Variants in PAPPA observed in about 807,000 individuals in gnomAD.
The protein encoded by PAPPA is pappalysin-1.
In PAPPA, 60 loss-of-function variants were observed where a neutral mutation model predicts 164.0. That is an observed-to-expected ratio of 0.37 (90% CI 0.30 to 0.45). PAPPA has a LOEUF of 0.45. Among genes scored for constraint, PAPPA ranks in the 20% least tolerant of loss-of-function variants. The probability of loss-of-function intolerance (pLI) is 1.00; values close to 1 mark genes in which losing one functional copy is unlikely to be tolerated. For missense variants in PAPPA, 1,782 were observed against 2,087.3 expected (o/e 0.85, Z 2.85); for synonymous variants, 875 against 814.1 (o/e 1.07, Z -1.27).
chr9:116,285,171 C>CTTTTTTTTTTTTTTTTTTTT, intron 9 of PAPPA, among the ~76,000 whole-genome samples: 9 of 89,480 alleles, frequency 1.0e-4, no homozygotes, highest in Admixed American at 1.4e-4. Flanking sequence ...TTCTTTCTTT[C>CTTTTTTTTTTTTTTTTTTTT]TTTTTTTTTT....
chr9:116,311,056 CTTTTTTTTTTT>C (rs56043415), intron 10 of PAPPA, among the ~76,000 whole-genome samples: 1 of 120,448 alleles, frequency 8.3e-6, no homozygotes, highest in Non-Finnish European at 1.8e-5. Context: ...AACATGTGGA[CTTTTTTTTTTT>C]TTTTTTTTTT....
At chr9:116,324,169 C>T (rs951802495) in intron 10 of PAPPA, among the ~76,000 whole-genome samples, 2 of 152,192 alleles carry the variant, frequency 1.3e-5, no homozygotes, top group African/African-American at 2.4e-5. Flanking sequence ...GACATGTGGG[C>T]AGGCTCTCTT....
At chr9:116,233,578 G>T (rs1844623684) in intron 6 of PAPPA, among the ~76,000 whole-genome samples, 1 of 152,180 alleles carries the variant, frequency 6.6e-6, no homozygotes, top group African/African-American at 2.4e-5. Flanking sequence ...TTGCTGTGAT[G>T]CATTATATCT....
Position 116,349,324 on chromosome 9 carries a change from A to T in PAPPA, c.3964+2115A>T, listed in dbSNP as rs200052355. On this transcript the variant is annotated intron_variant, in intron 15 of 21. Coordinates refer to ENST00000328252, the MANE Select transcript of PAPPA (RefSeq NM_002581.5). ...GCTTTGGTTTAGGGACAAACAAGTT[A>T]GGTGATTTGTTCAAGGTCACAGATA... Among the ~76,000 whole-genome samples, 9 of 152,232 alleles carry T rather than the reference A, an allele frequency of 5.9e-5. No homozygotes were observed. The East Asian group carries it at 1.5e-3, about 26-fold the overall frequency.
intron 13 of PAPPA, among the ~76,000 whole-genome samples, chr9:116,343,983 G>A (rs998984085): frequency 3.3e-5 from 5 of 151,894 alleles, no homozygotes; most frequent in African/African-American, 1.2e-4. Flanking sequence ...GGTCAGCCTG[G>A]TCTCAAACTC....
intron 1 of PAPPA, among the ~76,000 whole-genome samples, chr9:116,183,999 G>C (rs546453543): frequency 6.6e-6 from 1 of 152,222 alleles, no homozygotes; most frequent in East Asian, 1.9e-4. Context: ...GGAGCCCCTG[G>C]CAAAATAAAA....
At chr9:116,244,699 C>T (rs1844775694) in intron 7 of PAPPA, among the ~76,000 whole-genome samples, 1 of 152,074 alleles carries the variant, frequency 6.6e-6, no homozygotes, top group Admixed American at 6.6e-5. Context: ...AAAGGGAACC[C>T]TTATACACTT....
At chr9:116,240,727 G>A (rs1844725981) in intron 7 of PAPPA, among the ~76,000 whole-genome samples, 1 of 152,210 alleles carries the variant, frequency 6.6e-6, no homozygotes, top group Non-Finnish European at 1.5e-5. Context: ...AAGGAATGTG[G>A]ATTATAGTTT....
chr9:116,360,709 G>A (rs1002889565), intron 17 of PAPPA, among the ~76,000 whole-genome samples: 1 of 151,762 alleles, frequency 6.6e-6, no homozygotes, highest in Non-Finnish European at 1.5e-5. Flanking sequence ...CCATCTTTTC[G>A]TAAACAAACA....
chr9:116,284,545 CTTTTTTT>C (rs61248033), intron 9 of PAPPA, among the ~76,000 whole-genome samples: 3 of 88,268 alleles, frequency 3.4e-5, no homozygotes, highest in Admixed American at 1.5e-4. Context: ...TAGTCTGGGC[CTTTTTTT>C]TTTTTTTTTT....
rs894029847 is a variant in PAPPA, at chr9:116,154,296, G to A, written c.124G>A (p.Ala42Thr). ...GGCCGGCCGACCCCCGCGCCCCGCC[G>A]CCGGCCCGGCCACCTGCGCCACCCG... ...PRAGRPPRPA[A>T]GPATCATRAA... Residue 42 changes from alanine (A) to threonine (T), a missense_variant, in exon 1 of 22, where the codon GCC (alanine) becomes ACC (threonine). Transcript: ENST00000328252. The surrounding 1 kb of genome is among the most constrained non-coding windows in gnomAD (Gnocchi z 5.2). 3.1e-6 allele frequency: 3 copies of A among 953,110 alleles called. No individual in the cohort carries two copies. In the African/African-American group the frequency reaches 5.4e-5, roughly 17 times the overall value. 59.0% of individuals were successfully genotyped at this position (953,110 alleles called of 1,614,324 possible).
chr9:116,236,915 T>G (rs1393474240), intron 7 of PAPPA, among the ~76,000 whole-genome samples: 2 of 152,228 alleles, frequency 1.3e-5, no homozygotes, highest in African/African-American at 4.8e-5. Flanking sequence ...TGCACTCAAC[T>G]GGTGCTCAAT....
intron 18 of PAPPA, among the ~76,000 whole-genome samples, chr9:116,363,018 G>A (rs1846449877): frequency 6.6e-6 from 1 of 152,188 alleles, no homozygotes; most frequent in African/African-American, 2.4e-5. Context: ...AGGAAGGGAT[G>A]CTTACTTGGG....
chr9:116,368,369 C>T (rs1023220811), intron 19 of PAPPA, among the ~76,000 whole-genome samples: 2 of 152,230 alleles, frequency 1.3e-5, no homozygotes, highest in African/African-American at 2.4e-5. Flanking sequence ...TCATTGTCTG[C>T]ATTTTCCAGT....
chr9:116,389,672 C>T (rs1318978816), intron 21 of PAPPA, among the ~76,000 whole-genome samples: 1 of 152,000 alleles, frequency 6.6e-6, no homozygotes, highest in African/African-American at 2.4e-5. Context: ...GCTAAGAACC[C>T]TCTTCTATTC....
chr9:116,305,162 C>CAT (rs1845630168), intron 10 of PAPPA, among the ~76,000 whole-genome samples: 1 of 151,126 alleles, frequency 6.6e-6, no homozygotes, highest in South Asian at 2.1e-4. Flanking sequence ...CACACACACA[C>CAT]ACACACACAC....
intron 17 of PAPPA, among the ~76,000 whole-genome samples, chr9:116,359,333 C>T (rs1017332670): frequency 2.0e-5 from 3 of 152,172 alleles, no homozygotes; most frequent in Non-Finnish European, 4.4e-5. Context: ...ATCTGTGTAG[C>T]TAAAGCAGCA....
chr9:116,158,292 A>G (rs796560503), intron 1 of PAPPA, among the ~76,000 whole-genome samples: 9 of 152,260 alleles, frequency 5.9e-5, no homozygotes, highest in African/African-American at 2.2e-4. Context: ...CCACTTCAGC[A>G]TTGCTGTAAC....
intron 9 of PAPPA, among the ~76,000 whole-genome samples, chr9:116,289,656 AT>A (rs1845411762): frequency 6.6e-6 from 1 of 152,162 alleles, no homozygotes. Flanking sequence ...AATTAGAATC[AT>A]ATAGAATGTC....
Sources: allele counts gnomAD v4.1 joint callset (sites outside exome capture counted in the v4.1 genomes callset), GRCh38; gene constraint gnomAD v4.1.1; non-coding constraint Gnocchi (gnomAD v3.1); transcripts MANE v1.5; gene names NCBI Gene and HGNC (gene_info 2026-07-23, HGNC 2026-07-21).